The following EPB41L1 variants were observed in gnomAD, a reference collection of about 807,000 sequenced individuals.
EPB41L1 encodes band 4.1-like protein 1.
EPB41L1 carries 29 observed loss-of-function variants against 97.8 expected under a neutral mutation model. The ratio of observed to expected loss-of-function variants is 0.30; its 90% CI spans 0.22 to 0.40. EPB41L1 has a LOEUF of 0.40. Among genes scored for constraint, EPB41L1 ranks in the 10% least tolerant of loss-of-function variants. The pLI is 1.00. For synonymous variants in EPB41L1, 383 were observed against 459.2 expected, an observed-to-expected ratio of 0.83 and a Z score of 2.12; for missense variants, 812 against 1,162.3, an observed-to-expected ratio of 0.70 and a Z score of 4.38.
At chr20:36,187,877 T>C (rs1030737546) in intron 8 of EPB41L1, 114 bp downstream of exon 8, 1 of 837,292 alleles carries the variant, frequency 1.2e-6, no homozygotes, top group African/African-American at 1.7e-5. Context: ...ACTTGAAACC[T>C]TTTCTGTTCT....
At chr20:36,218,321 G>T (rs2063561598) in intron 17 of EPB41L1, among the ~76,000 whole-genome samples, 1 of 152,172 alleles carries the variant, frequency 6.6e-6, no homozygotes, top group African/African-American at 2.4e-5. Context: ...TTAAAATGAT[G>T]CCTCGCACAT....
rs1473650238 is a variant in EPB41L1, at chr20:36,205,911, A to T, written c.1669-3577A>T. On this transcript the variant is annotated intron_variant, in intron 14 of 21. Coordinates refer to ENST00000338074, the MANE Select transcript of EPB41L1 (RefSeq NM_012156.2). ...CTAGGCCAGAAGAGCTCGGTCTCCT[A>T]AAAGTGACCACCATGCAGCAGGAAG... The T allele has an allele frequency of 3.9e-6, 5 of 1,289,860 alleles. No homozygotes were observed. The Admixed American group carries it at 1.1e-4, about 30-fold the overall frequency. The allele number at this position is 1,289,860 out of a possible 1,614,324, so 79.9% of individuals were successfully genotyped here.
At chr20:36,163,683 T>C (rs2060621880) in intron 1 of EPB41L1, among the ~76,000 whole-genome samples, 2 of 152,108 alleles carry the variant, frequency 1.3e-5, no homozygotes. Flanking sequence ...CATTACTAGC[T>C]CTCGGCCTGA....
intron 2 of EPB41L1, among the ~76,000 whole-genome samples, chr20:36,133,369 C>G (rs1346932168): frequency 6.6e-6 from 1 of 152,260 alleles, no homozygotes; most frequent in Non-Finnish European, 1.5e-5. Context: ...TAGTTCACCC[C>G]TCTCATTAAC....
chr20:36,149,708 C>T (rs2059971199), intron 2 of EPB41L1: 1 of 152,482 alleles, frequency 6.6e-6, no homozygotes, highest in Admixed American at 6.5e-5. Flanking sequence ...CTCCCTCCCT[C>T]TGGCCCAGCT....
chr20:36,227,430 T>C (rs1192568656), intron 21 of EPB41L1, among the ~76,000 whole-genome samples: 3 of 152,220 alleles, frequency 2.0e-5, no homozygotes, highest in African/African-American at 7.2e-5. Context: ...CTGACCTCAG[T>C]TTCCTCATCT....
chr20:36,157,500 A>G lies in EPB41L1; in HGVS notation c.-15+2604A>G, dbSNP rs1055394702. Among the ~76,000 whole-genome samples the G allele has an allele frequency of 3.9e-5, 6 of 152,300 alleles. No homozygotes were observed. The East Asian group carries it at 9.7e-4, about 25-fold the overall frequency. On this transcript the variant is annotated intron_variant, in intron 1 of 21. Coordinates refer to ENST00000338074, the MANE Select transcript of EPB41L1 (RefSeq NM_012156.2). ...TGAGTCCAGAGCCCTTCTTTCTACC[A>G]TGACATTTACTGGGGGCAATATCTG...
At chr20:36,113,941 CAAGA>C (rs1048522567) in intron 2 of EPB41L1, 10 of 152,350 alleles carry the variant, frequency 6.6e-5, no homozygotes, top group African/African-American at 2.4e-4. Context: ...GAGTCAGAGC[CAAGA>C]AAGATGAGAC....
chr20:36,167,741 TAATA>T (rs1292880333), intron 1 of EPB41L1, among the ~76,000 whole-genome samples: 3 of 150,982 alleles, frequency 2.0e-5, no homozygotes, highest in African/African-American at 4.9e-5. Context: ...ATAACAATAA[TAATA>T]AATAATAAAT....
At chr20:36,186,470 A>G (rs902452697) in intron 7 of EPB41L1, among the ~76,000 whole-genome samples, 1 of 152,094 alleles carries the variant, frequency 6.6e-6, no homozygotes, top group African/African-American at 2.4e-5. Flanking sequence ...TACGTGGGGA[A>G]GAGCCTGCTG....
chr20:36,100,126 C>T (rs570557178), intron 1 of EPB41L1, among the ~76,000 whole-genome samples: 1 of 152,304 alleles, frequency 6.6e-6, no homozygotes, highest in Non-Finnish European at 1.5e-5. Flanking sequence ...AGGTCCTGTC[C>T]CTCTAAGCCT....
At chr20:36,174,538 G>T (rs1396582530) in intron 2 of EPB41L1, among the ~76,000 whole-genome samples, 1 of 151,622 alleles carries the variant, frequency 6.6e-6, no homozygotes, top group Non-Finnish European at 1.5e-5. Flanking sequence ...CTCCCAAAGT[G>T]CTGGGATTAC....
Position 36,231,716 on chromosome 20 carries a change from C to T in EPB41L1, c.*2376C>T, listed in dbSNP as rs1401008909. The T allele has an allele frequency of 6.6e-6, 1 of 152,548 alleles. No individual in the cohort carries two copies. Among genetic ancestry groups the T allele is most frequent in the Non-Finnish European group, 1.5e-5 (1 of 68,116 alleles). The allele number at this position is 152,548 out of a possible 1,614,324, so 9.4% of individuals were successfully genotyped here. A position where few individuals can be genotyped will look rare whatever the true frequency, so the allele number is the denominator to read the frequency against. Reference sequence around the variant, plus strand: ...GGGGCAGCAGAATCAGTGGCATTCCCCCTGGTGCAGGCCGGTGGGTCCACT... The same window carrying T: ...GGGGCAGCAGAATCAGTGGCATTCCTCCTGGTGCAGGCCGGTGGGTCCACT... On this transcript the variant is annotated 3_prime_UTR_variant, in exon 22 of 22. Transcript: ENST00000338074.
chr20:36,198,046 G>T lies in EPB41L1; in HGVS notation c.1668+5G>T. 7 of 1,613,076 alleles carry T rather than the reference G, an allele frequency of 4.3e-6. No homozygotes were observed. Among genetic ancestry groups the T allele is most frequent in the Non-Finnish European group, 5.1e-6 (6 of 1,179,832 alleles). ...ACCCCTGAGAAAGCCAATGAGGTAG[G>T]TGTCGCCCTGAACCCCTCGATAGGG... On this transcript the variant is annotated splice_donor_5th_base_variant and intron_variant, in intron 14 of 21. Coordinates refer to ENST00000338074, the MANE Select transcript of EPB41L1 (RefSeq NM_012156.2).
intron 2 of EPB41L1, among the ~76,000 whole-genome samples, chr20:36,129,676 T>C (rs2059116431): frequency 6.6e-6 from 1 of 152,172 alleles, no homozygotes; most frequent in Non-Finnish European, 1.5e-5. Context: ...TCCTTAACTG[T>C]TCAGTGTGTG....
chr20:36,231,780 C>T lies in EPB41L1; in HGVS notation c.*2440C>T, dbSNP rs2064499880. ...AGTGTAGCAGCACACTTTCCATACA[C>T]CAGGTTCTTTCTACAATCCTGGTGG... On this transcript the variant is annotated 3_prime_UTR_variant, in exon 22 of 22. Coordinates refer to ENST00000338074, the MANE Select transcript of EPB41L1 (RefSeq NM_012156.2). 6.5e-6 allele frequency: 1 copy of T among 152,704 alleles called. No individual in the cohort carries two copies. The highest frequency in any genetic ancestry group is 2.4e-5 in the African/African-American group (1 of 41,474). 9.5% of individuals were successfully genotyped at this position (152,704 alleles called of 1,614,324 possible). A position where few individuals can be genotyped will look rare whatever the true frequency, so the allele number is the denominator to read the frequency against.
chr20:36,099,946 G>A (rs1361602937), intron 1 of EPB41L1, among the ~76,000 whole-genome samples: 1 of 152,186 alleles, frequency 6.6e-6, no homozygotes, highest in East Asian at 1.9e-4. Context: ...CAAGAAAGGG[G>A]TCCCTGGGCT....
intron 13 of EPB41L1, 138 bp from the exon 14 acceptor site, chr20:36,197,721 T>C: frequency 6.4e-7 from 1 of 1,558,374 alleles, no homozygotes. Context: ...GGGGCTGCCA[T>C]GAGAGTGACA....
At chr20:36,163,519 A>G (rs932669837) in intron 1 of EPB41L1, among the ~76,000 whole-genome samples, 15 of 152,142 alleles carry the variant, frequency 9.9e-5, no homozygotes, top group African/African-American at 3.6e-4. Flanking sequence ...CCCTTATCCT[A>G]AGTGAGCATC....
Sources: allele counts gnomAD v4.1 joint callset (sites outside exome capture counted in the v4.1 genomes callset), GRCh38; gene constraint gnomAD v4.1.1; transcripts MANE v1.5; gene names NCBI Gene and HGNC (gene_info 2026-07-23, HGNC 2026-07-21).